LRIG1: variants seen among roughly 807,000 people sequenced by gnomAD.
LRIG1 encodes leucine-rich repeats and immunoglobulin-like domains protein 1.
A neutral mutation model predicts 99.2 loss-of-function variants in LRIG1; 48 were observed. The ratio of observed to expected loss-of-function variants is 0.48; its 90% CI spans 0.38 to 0.62. LRIG1 has a LOEUF of 0.62. Ranked by LOEUF, LRIG1 falls within the 20% of genes least tolerant of loss-of-function variation. The pLI is 0.00. For synonymous variants in LRIG1, 772 were observed against 596.1 expected (o/e 1.29, Z -4.30); for missense variants, 1,646 against 1,434.4 (o/e 1.15, Z -2.38).
intron 11 of LRIG1, among the ~76,000 whole-genome samples, chr3:66,394,436 C>T (rs1701762981): frequency 6.6e-6 from 1 of 152,162 alleles, no homozygotes; most frequent in Admixed American, 6.5e-5. Context: ...AGGAGTGGAA[C>T]CCACGACTCT....
At chr3:66,477,132 C>G (rs1048764986) in intron 1 of LRIG1, among the ~76,000 whole-genome samples, 1 of 152,174 alleles carries the variant, frequency 6.6e-6, no homozygotes, top group Non-Finnish European at 1.5e-5. Flanking sequence ...CTCACACACG[C>G]TGAAGTTAAT....
chr3:66,389,707 CAAT>C (rs2107953968), intron 12 of LRIG1, among the ~76,000 whole-genome samples: 1 of 152,230 alleles, frequency 6.6e-6, no homozygotes, highest in South Asian at 2.1e-4. Context: ...AATAGTGCAA[CAAT>C]AATAGTTTGT....
chr3:66,487,697 C>T (rs1036620193), intron 1 of LRIG1, among the ~76,000 whole-genome samples: 3 of 152,116 alleles, frequency 2.0e-5, no homozygotes, highest in African/African-American at 7.2e-5. Context: ...TTCACCAGAA[C>T]GAGACCAAGT....
intron 3 of LRIG1, among the ~76,000 whole-genome samples, chr3:66,430,186 A>G (rs1703122614): frequency 7.7e-6 from 1 of 129,108 alleles, no homozygotes; most frequent in Non-Finnish European, 1.6e-5. Context: ...AACAACAACA[A>G]CAACAAAAAA....
chr3:66,459,531 C>A (rs1700309440), intron 2 of LRIG1, among the ~76,000 whole-genome samples: 1 of 152,234 alleles, frequency 6.6e-6, no homozygotes, highest in Non-Finnish European at 1.5e-5. Context: ...TCACTCAGGA[C>A]CTTCCTGATC....
At chr3:66,409,400 C>T (rs147619929) in intron 7 of LRIG1, among the ~76,000 whole-genome samples, 17 of 152,330 alleles carry the variant, frequency 1.1e-4, no homozygotes, top group African/African-American at 3.8e-4. Context: ...CACTGCCCAT[C>T]GCTACCCAGG....
chr3:66,498,810 C>G (rs1260062932), intron 1 of LRIG1, among the ~76,000 whole-genome samples: 3 of 152,170 alleles, frequency 2.0e-5, no homozygotes, highest in African/African-American at 7.2e-5. Context: ...GTTCATGGAG[C>G]AGTGTCTCGG....
In LRIG1 at chr3:66,383,113, C is replaced by T. The variant is rs1701178520; in HGVS notation, c.2360G>A (p.Arg787Lys). 1 of 1,614,240 alleles carries T rather than the reference C, an allele frequency of 6.2e-7. No homozygotes were observed. The highest frequency in any genetic ancestry group is 8.5e-7 in the Non-Finnish European group (1 of 1,180,044). ...QLSVLPAAGC[R>K]KDGTTVGIFT... ...GATGCCTACCGTGGTCCCATCCTTC[C>T]TGCAGCCTGCTGCGGGCAGGACGCT... is the stretch of plus-strand genomic sequence containing the variant. Residue 787 changes from arginine (R) to lysine (K), a missense_variant, in exon 15 of 19, where the codon AGG (arginine) becomes AAG (lysine). By Grantham distance (26) the Arg-to-Lys change is conservative (BLOSUM62 2). Transcript: ENST00000273261.
chr3:66,431,295 T>G (rs534163261), intron 3 of LRIG1, among the ~76,000 whole-genome samples: 16 of 152,238 alleles, frequency 1.1e-4, no homozygotes, highest in Admixed American at 1.0e-3. Context: ...TCAACCAGAC[T>G]CCAGGGGCTG....
rs563231199 is a variant in LRIG1 at position 66,419,605 on chromosome 3, T to C, written c.366-2339A>G. On this transcript the variant is annotated intron_variant, in intron 3 of 18. Coordinates refer to ENST00000273261, the MANE Select transcript of LRIG1 (RefSeq NM_015541.3). ...AGCTTGGATCAGATTGCAGAGCTAG[T>C]AGGGTGGGCAGGACCACAACAGCAA... 2.6e-5 allele frequency among the ~76,000 whole-genome samples: 4 copies of C among 152,174 alleles called. No homozygotes were observed. The South Asian group carries it at 6.2e-4, about 24-fold the overall frequency.
In LRIG1 at chr3:66,380,176, T is replaced by G; in HGVS notation, c.*87A>C. 9.5e-7 allele frequency: 1 copy of G among 1,055,990 alleles called. No individual in the cohort carries two copies. Among genetic ancestry groups the G allele is most frequent in the Non-Finnish European group, 1.4e-6 (1 of 727,300 alleles). The allele number at this position is 1,055,990 out of a possible 1,614,324, so 65.4% of individuals were successfully genotyped here. The stretch of plus-strand genomic sequence containing the variant: ...GGAGTTACAACTATGTACAGATGAG[T>G]GACGCTTGAACCCAAGCTTCCTCGC... On this transcript the variant is annotated 3_prime_UTR_variant, in exon 19 of 19. Coordinates refer to ENST00000273261, the MANE Select transcript of LRIG1 (RefSeq NM_015541.3).
chr3:66,418,077 GT>G (rs141622151), intron 3 of LRIG1, among the ~76,000 whole-genome samples: 24 of 148,244 alleles, frequency 1.6e-4, no homozygotes, highest in East Asian at 4.0e-4. Flanking sequence ...TGTAACTTGT[GT>G]TTTTTTTTTG....
intron 1 of LRIG1, among the ~76,000 whole-genome samples, chr3:66,482,975 C>T (rs1009779255): frequency 2.0e-5 from 3 of 152,094 alleles, no homozygotes; most frequent in Non-Finnish European, 4.4e-5. Flanking sequence ...CTTCTTTATT[C>T]AATAAATGCC....
At chr3:66,419,132 C>T (rs1406418663) in intron 3 of LRIG1, among the ~76,000 whole-genome samples, 1 of 152,136 alleles carries the variant, frequency 6.6e-6, no homozygotes, top group East Asian at 1.9e-4. Context: ...AGGGTCTGTG[C>T]TGGACAGAAG....
chr3:66,456,984 C>T (rs991106105), intron 2 of LRIG1, among the ~76,000 whole-genome samples: 2 of 152,184 alleles, frequency 1.3e-5, no homozygotes, highest in Non-Finnish European at 2.9e-5. Flanking sequence ...CAGTGAAGAC[C>T]GTGTGGCTTG....
Position 66,380,249 on chromosome 3 carries a change from G to A in LRIG1, c.*14C>T. The A allele has an allele frequency of 6.2e-7, 1 of 1,602,538 alleles. No individual in the cohort carries two copies. ...CGTAGAGATTGGTATGACAAGAACT[G>A]AGGTAGACAAAACCTAGCTTTTTGG... On this transcript the variant is annotated 3_prime_UTR_variant, in exon 19 of 19. Coordinates refer to ENST00000273261, the MANE Select transcript of LRIG1 (RefSeq NM_015541.3).
intron 3 of LRIG1, among the ~76,000 whole-genome samples, chr3:66,439,583 G>A (rs1703475130): frequency 6.6e-6 from 1 of 150,376 alleles, no homozygotes; most frequent in East Asian, 1.9e-4. Flanking sequence ...TTTAAAAAGA[G>A]CCAAGTCTTA....
At chr3:66,402,088 C>T (rs1446432298) in intron 9 of LRIG1, among the ~76,000 whole-genome samples, 1 of 152,164 alleles carries the variant, frequency 6.6e-6, no homozygotes, top group Non-Finnish European at 1.5e-5. Context: ...CAAACATGCC[C>T]CTTCCCATGT....
chr3:66,448,908 G>A (rs1703811334), intron 3 of LRIG1, among the ~76,000 whole-genome samples: 2 of 152,320 alleles, frequency 1.3e-5, no homozygotes, highest in Non-Finnish European at 2.9e-5. Flanking sequence ...GGCCACAACT[G>A]CAGGGACACA....
Sources: allele counts gnomAD v4.1 joint callset (sites outside exome capture counted in the v4.1 genomes callset), GRCh38; gene constraint gnomAD v4.1.1; transcripts MANE v1.5; gene names NCBI Gene and HGNC (gene_info 2026-07-23, HGNC 2026-07-21).